PAPOLA: variants seen among roughly 807,000 people sequenced by gnomAD.
PAPOLA encodes poly(A) polymerase alpha.
PAPOLA carries 15 observed loss-of-function variants against 100.6 expected under a neutral mutation model. The observed-to-expected ratio is 0.15, with a 90% CI of 0.10 to 0.23. PAPOLA has a LOEUF of 0.23. Ranked by LOEUF, PAPOLA falls within the 10% of genes least tolerant of loss-of-function variation. PAPOLA has a pLI of 1.00. For missense variants in PAPOLA, 533 were observed against 884.2 expected (o/e 0.60, Z 5.04); for synonymous variants, 293 against 300.0 (o/e 0.98, Z 0.24).
chr14:96,552,366 AT>A (rs2140320514), intron 16 of PAPOLA, 113 bp from the exon 17 acceptor site: 1 of 975,392 alleles, frequency 1.0e-6, no homozygotes, highest in East Asian at 2.6e-5. Context: ...ACTTTCGTAG[AT>A]TTAGTGATCT....
chr14:96,531,954 T>C, intron 7 of PAPOLA: 16 of 1,263,222 alleles, frequency 1.3e-5, no homozygotes, highest in Non-Finnish European at 1.3e-5. Flanking sequence ...TTGGTACAAT[T>C]TTATATTAGC....
At chr14:96,525,770 A>T (rs1299853215) in intron 4 of PAPOLA, among the ~76,000 whole-genome samples, 1 of 152,162 alleles carries the variant, frequency 6.6e-6, no homozygotes, top group Non-Finnish European at 1.5e-5. Context: ...GTAAATAAAT[A>T]AATTAAAAAC....
chr14:96,536,414 A>G (rs1325102409), intron 11 of PAPOLA, among the ~76,000 whole-genome samples: 1 of 152,114 alleles, frequency 6.6e-6, no homozygotes, highest in African/African-American at 2.4e-5. Flanking sequence ...TTTGAACCCT[A>G]GTTGTACTGT....
Position 96,552,590 on chromosome 14 carries a change from C to T in PAPOLA, c.1632C>T (p.Thr544=), listed in dbSNP as rs149879119. The T allele has an allele frequency of 1.6e-3, 2,586 of 1,614,036 alleles. 12 individuals carry two copies. Among genetic ancestry groups the T allele is most frequent in the Middle Eastern group, 0.013 (76 of 6,062 alleles). The part of the protein sequence containing the change: ...SVPSPTSATK[T]SPLNSSGSSQ... ...CTTCACCTACTAGTGCTACGAAGAC[C>T]AGTCCATTGAACAGTTCTGGCAGCT... Residue 544 remains threonine (T), a synonymous_variant, in exon 17 of 22, where the codon ACC becomes ACT. Coordinates refer to ENST00000216277, the MANE Select transcript of PAPOLA (RefSeq NM_032632.5).
chr14:96,505,927 C>A (rs1462049059), intron 1 of PAPOLA, among the ~76,000 whole-genome samples: 1 of 152,004 alleles, frequency 6.6e-6, no homozygotes, highest in East Asian at 1.9e-4. Context: ...CCGTTCTTGA[C>A]GGAGTCTTGC....
At chr14:96,560,551 A>G (rs1214150916) in intron 19 of PAPOLA, 98 bp from the exon 20 acceptor site, 3 of 760,502 alleles carry the variant, frequency 3.9e-6, no homozygotes, top group Non-Finnish European at 6.7e-6. Context: ...TACAGGTTTA[A>G]TTATTTTATA....
chr14:96,559,399 G>A (rs1314847545), intron 19 of PAPOLA, among the ~76,000 whole-genome samples: 1 of 151,854 alleles, frequency 6.6e-6, no homozygotes, highest in Non-Finnish European at 1.5e-5. Context: ...GCACTAACGT[G>A]TATATAGATA....
intron 1 of PAPOLA, among the ~76,000 whole-genome samples, chr14:96,507,833 C>T (rs892386720): frequency 6.6e-6 from 1 of 152,128 alleles, no homozygotes; most frequent in Non-Finnish European, 1.5e-5. Flanking sequence ...GTAGACTTTT[C>T]AGTGGTGGTA....
In PAPOLA at chr14:96,520,218, C is replaced by T. The variant is rs751419274; in HGVS notation, c.172C>T (p.Leu58=). Residue 58 remains leucine, a synonymous_variant, in exon 2 of 22, where the codon CTG becomes TTG. Coordinates refer to ENST00000216277, the MANE Select transcript of PAPOLA (RefSeq NM_032632.5). ...PFGVFEEEEE[L]QRRILILGKL... is the part of the protein sequence containing the mutation. ...TGGGGTTTTTGAAGAGGAAGAGGAACTGCAGCGCAGGTAAATAGATATTCT... is the reference window on the plus strand; with the variant it reads ...TGGGGTTTTTGAAGAGGAAGAGGAATTGCAGCGCAGGTAAATAGATATTCT... 4.7e-5 allele frequency: 75 copies of T among 1,608,480 alleles called. No individual in the cohort carries two copies. The highest frequency in any genetic ancestry group is 5.8e-5 in the Non-Finnish European group (68 of 1,177,734).
intron 1 of PAPOLA, among the ~76,000 whole-genome samples, chr14:96,517,182 T>G (rs1403816709): frequency 1.3e-5 from 2 of 152,282 alleles, no homozygotes; most frequent in East Asian, 1.9e-4. Context: ...CAAAATAAAG[T>G]TTTTACACTT....
intron 21 of PAPOLA, among the ~76,000 whole-genome samples, chr14:96,564,410 TAAAG>T (rs1180202349): frequency 6.6e-6 from 1 of 152,124 alleles, no homozygotes; most frequent in Non-Finnish European, 1.5e-5. Context: ...TTTTTAGTGT[TAAAG>T]AACGCTTGTG....
intron 15 of PAPOLA, among the ~76,000 whole-genome samples, chr14:96,545,037 C>T (rs1307185886): frequency 2.0e-5 from 3 of 152,018 alleles, no homozygotes; most frequent in Admixed American, 6.6e-5. Context: ...TAGGGACAAC[C>T]GCATTTCTTC....
At chr14:96,533,942 G>GT in intron 9 of PAPOLA, 1 of 985,238 alleles carries the variant, frequency 1.0e-6, no homozygotes, top group Non-Finnish European at 1.2e-6. Flanking sequence ...GTGTTCTCCA[G>GT]TTTTTACCTC....
chr14:96,523,407 T>C (rs1446178152), intron 3 of PAPOLA, among the ~76,000 whole-genome samples: 1 of 152,220 alleles, frequency 6.6e-6, no homozygotes, highest in Non-Finnish European at 1.5e-5. Context: ...ACAAAAGTGA[T>C]AACAGTGACA....
chr14:96,536,967 T>C lies in PAPOLA; in HGVS notation c.1031-9T>C. ...AGTATGCAAACATTTTAATATGTTT[T>C]TAATTTAGGTCTTGCTATCACAGAT... On this transcript the variant is annotated splice_polypyrimidine_tract_variant and intron_variant, in intron 11 of 21. Coordinates refer to ENST00000216277, the MANE Select transcript of PAPOLA (RefSeq NM_032632.5). The C allele has an allele frequency of 1.3e-6, 2 of 1,535,800 alleles. No individual in the cohort carries two copies. The highest frequency in any genetic ancestry group is 4.5e-5 in the East Asian group (2 of 44,362).
intron 19 of PAPOLA, among the ~76,000 whole-genome samples, chr14:96,556,882 A>C (rs544594964): frequency 6.6e-6 from 1 of 152,304 alleles, no homozygotes; most frequent in South Asian, 2.1e-4. Context: ...TGATAAGTGC[A>C]TGCAGCCAGA....
intron 1 of PAPOLA, among the ~76,000 whole-genome samples, chr14:96,507,279 A>ATTTTTTTTT (rs1566829466): frequency 9.6e-6 from 1 of 104,666 alleles, no homozygotes; most frequent in African/African-American, 3.7e-5. Flanking sequence ...TTTGGAAAAT[A>ATTTTTTTTT]GTTTTTTTTT....
At chr14:96,532,218 A>C in intron 7 of PAPOLA, 113 bp from the exon 8 acceptor site, 7 of 1,413,616 alleles carry the variant, frequency 5.0e-6, no homozygotes, top group Non-Finnish European at 6.4e-6. Flanking sequence ...CAATCTCAGA[A>C]AATTTGGAAG....
intron 4 of PAPOLA, among the ~76,000 whole-genome samples, chr14:96,525,818 C>T (rs963471718): frequency 1.1e-4 from 16 of 152,094 alleles, no homozygotes; most frequent in Admixed American, 2.6e-4. Flanking sequence ...TTTATCTGTT[C>T]AGTAGCCACA....
Sources: gnomAD v4.1 joint callset for allele counts (sites outside exome capture counted in the v4.1 genomes callset) on GRCh38, gnomAD v4.1.1 for gene constraint, MANE v1.5 for transcripts, NCBI Gene and HGNC (gene_info 2026-07-23, HGNC 2026-07-21) for gene names.